Variants in ADGRL3 observed in about 807,000 individuals in gnomAD.
ADGRL3 encodes calcium-independent alpha-latrotoxin receptor 3.
ADGRL3 carries 62 observed loss-of-function variants against 153.5 expected under a neutral mutation model. That is an observed-to-expected ratio of 0.40 (90% CI 0.33 to 0.50). The LOEUF (loss-of-function observed/expected upper bound fraction) is 0.50, where lower values mean the gene tolerates loss of function less well. ADGRL3 is among the 20% of genes least tolerant of loss of function. ADGRL3 has a pLI of 0.47. For synonymous variants in ADGRL3, 710 were observed against 672.5 expected (o/e 1.06, Z -0.86); for missense variants, 1,641 against 1,859.4 (o/e 0.88, Z 2.16).
intron 2 of ADGRL3, among the ~76,000 whole-genome samples, chr4:61,394,909 G>A (rs1162559849): frequency 6.6e-6 from 1 of 152,044 alleles, no homozygotes. Context: ...TATAATGTAT[G>A]TATAATCTTG....
chr4:61,901,045 T>C lies in ADGRL3; in HGVS notation c.1887+5211T>C, dbSNP rs568391396. Among the ~76,000 whole-genome samples the C allele has an allele frequency of 5.9e-5, 9 of 152,282 alleles. No individual in the cohort carries two copies. In the South Asian group the frequency reaches 1.9e-3, roughly 32 times the overall value. ...TAAAGAATGCATTGTGGTTTATAATTTCACCCGTCTTTTTTCACTTCAACT... is the reference window on the plus strand; with the variant it reads ...TAAAGAATGCATTGTGGTTTATAATCTCACCCGTCTTTTTTCACTTCAACT... On this transcript the variant is annotated intron_variant, in intron 11 of 26. Transcript: ENST00000683033.
At chr4:61,894,903 A>G (rs953735189) in intron 10 of ADGRL3, among the ~76,000 whole-genome samples, 2 of 152,162 alleles carry the variant, frequency 1.3e-5, no homozygotes, top group African/African-American at 4.8e-5. Context: ...TCCGGCACCC[A>G]CAAATGATAG....
intron 20 of ADGRL3, 138 bp downstream of exon 20, chr4:61,996,495 T>G: frequency 3.2e-6 from 2 of 628,344 alleles, no homozygotes; most frequent in Non-Finnish European, 5.7e-6. Flanking sequence ...ATTCAAGCAA[T>G]TAAACACTCA....
At chr4:61,955,630 T>C (rs2098963207) in intron 17 of ADGRL3, among the ~76,000 whole-genome samples, 1 of 152,104 alleles carries the variant, frequency 6.6e-6, no homozygotes, top group South Asian at 2.1e-4. Context: ...ATAGGTATAT[T>C]TGTGCCATGG....
At chr4:61,746,342 C>T (rs2096660912) in intron 8 of ADGRL3, among the ~76,000 whole-genome samples, 2 of 151,458 alleles carry the variant, frequency 1.3e-5, no homozygotes, top group Admixed American at 1.3e-4. Context: ...GAAGTCAGCT[C>T]TGCACCAAGC....
chr4:61,447,919 A>G (rs1222956561), intron 2 of ADGRL3, among the ~76,000 whole-genome samples: 1 of 152,218 alleles, frequency 6.6e-6, no homozygotes, highest in Non-Finnish European at 1.5e-5. Flanking sequence ...CTTGATTTCC[A>G]AACAACAACA....
At chr4:61,533,146 A>G (rs943338024) in intron 4 of ADGRL3, among the ~76,000 whole-genome samples, 26 of 152,202 alleles carry the variant, frequency 1.7e-4, no homozygotes, top group African/African-American at 6.3e-4. Context: ...TTTCTGGCCA[A>G]TGAAGACCCA....
chr4:61,715,270 T>C (rs1431317418), intron 6 of ADGRL3, among the ~76,000 whole-genome samples: 1 of 152,174 alleles, frequency 6.6e-6, no homozygotes, highest in Non-Finnish European at 1.5e-5. Flanking sequence ...AAGATCTAAG[T>C]GGCAAATATC....
chr4:61,424,757 G>C (rs1252432342), intron 2 of ADGRL3, among the ~76,000 whole-genome samples: 1 of 152,120 alleles, frequency 6.6e-6, no homozygotes, highest in Non-Finnish European at 1.5e-5. Flanking sequence ...AGGGTGACTT[G>C]GGTGTAATTC....
At chr4:61,338,034 G>A (rs570013802) in intron 1 of ADGRL3, among the ~76,000 whole-genome samples, 2 of 152,176 alleles carry the variant, frequency 1.3e-5, no homozygotes, top group South Asian at 2.1e-4. Context: ...GGAGGCGGAG[G>A]CAGACGGATC....
intron 21 of ADGRL3, among the ~76,000 whole-genome samples, chr4:62,016,649 A>G (rs540396141): frequency 6.6e-6 from 1 of 152,294 alleles, no homozygotes; most frequent in African/African-American, 2.4e-5. Context: ...CATCTCTTGC[A>G]AAACTGTTTT....
chr4:61,560,515 G>A (rs1231787182), intron 4 of ADGRL3, among the ~76,000 whole-genome samples: 4 of 152,060 alleles, frequency 2.6e-5, no homozygotes, highest in Non-Finnish European at 4.4e-5. Context: ...GGGAAATGGT[G>A]GGACAATCTG....
chr4:61,480,038 C>G (rs1268706648), intron 2 of ADGRL3, among the ~76,000 whole-genome samples: 1 of 152,052 alleles, frequency 6.6e-6, no homozygotes, highest in Non-Finnish European at 1.5e-5. Flanking sequence ...TTTGTGATAA[C>G]ACTTAAGATC....
chr4:61,472,053 G>C (rs1427110699), intron 2 of ADGRL3, among the ~76,000 whole-genome samples: 1 of 151,974 alleles, frequency 6.6e-6, no homozygotes, highest in South Asian at 2.1e-4. Flanking sequence ...TTGAGTACTA[G>C]ATTCAGTACT....
chr4:61,273,527 AT>A (rs1174443995), intron 1 of ADGRL3, among the ~76,000 whole-genome samples: 2 of 152,330 alleles, frequency 1.3e-5, no homozygotes, highest in African/African-American at 4.8e-5. Context: ...ATTTTGTGGC[AT>A]TGAATTGCTA....
At chr4:61,422,918 T>C (rs1390690913) in intron 2 of ADGRL3, among the ~76,000 whole-genome samples, 3 of 152,074 alleles carry the variant, frequency 2.0e-5, no homozygotes, top group Non-Finnish European at 4.4e-5. Context: ...AAGAATGTTA[T>C]ATAGATGACT....
At chr4:61,278,253 C>T (rs956430925) in intron 1 of ADGRL3, among the ~76,000 whole-genome samples, 1 of 152,048 alleles carries the variant, frequency 6.6e-6, no homozygotes, top group African/African-American at 2.4e-5. Context: ...TCTCTTGCTC[C>T]CTGACAGACA....
intron 1 of ADGRL3, among the ~76,000 whole-genome samples, chr4:61,332,138 C>G (rs188429524): frequency 1.2e-4 from 19 of 152,176 alleles, no homozygotes; most frequent in Non-Finnish European, 2.5e-4. Context: ...AAGAGAGAAC[C>G]TTTGGAAATT....
rs1254092303 is a variant in ADGRL3, at chr4:62,021,577, A to G, written c.3396-7278A>G. On this transcript the variant is annotated intron_variant, in intron 21 of 26. Transcript: ENST00000683033. ...ATACTTCCCAGACATTGCATTTTTT[A>G]CAAATTGTAAGTTTGTAGCAACTCT... 3.3e-5 allele frequency among the ~76,000 whole-genome samples: 5 copies of G among 152,234 alleles called. No individual in the cohort carries two copies. In the East Asian group the frequency reaches 9.6e-4, roughly 29 times the overall value.
Sources: gnomAD v4.1 joint callset for allele counts (sites outside exome capture counted in the v4.1 genomes callset) on GRCh38, gnomAD v4.1.1 for gene constraint, MANE v1.5 for transcripts, NCBI Gene and HGNC (gene_info 2026-07-23, HGNC 2026-07-21) for gene names.